Variants in ATXN3 observed in about 807,000 individuals in gnomAD.
The protein encoded by ATXN3 is ataxin 3, also known as ataxin-3.
In ATXN3, 28 loss-of-function variants were observed where a neutral mutation model predicts 58.2. The observed-to-expected ratio is 0.48, with a 90% CI of 0.36 to 0.66. The LOEUF (loss-of-function observed/expected upper bound fraction) is 0.66, where lower values mean the gene tolerates loss of function less well. ATXN3 is among the 30% of genes least tolerant of loss of function. ATXN3 has a pLI of 0.00. For synonymous variants in ATXN3, 113 were observed against 138.5 expected, an observed-to-expected ratio of 0.82 and a Z score of 1.29; for missense variants, 321 against 422.1, an observed-to-expected ratio of 0.76 and a Z score of 2.10.
chr14:92,092,837 T>C (rs1457099279), intron 5 of ATXN3, among the ~76,000 whole-genome samples: 1 of 148,474 alleles, frequency 6.7e-6, no homozygotes, highest in East Asian at 2.0e-4. Context: ...GCAATCCTTT[T>C]TTTTTTTTAA....
chr14:92,102,525 T>C (rs941756287), intron 1 of ATXN3, among the ~76,000 whole-genome samples: 19 of 152,168 alleles, frequency 1.2e-4, no homozygotes, highest in African/African-American at 4.3e-4. Flanking sequence ...AAATCAGGTA[T>C]AAACCTAAGG....
At chr14:92,046,436 T>C (rs2057428216) in intron 2 of ATXN3, 1 of 152,144 alleles carries the variant, frequency 6.6e-6, no homozygotes, top group African/African-American at 2.4e-5. Context: ...TCAGGAATAA[T>C]GTGGGGGCTA....
chr14:92,083,066 A>G, intron 7 of ATXN3, 60 bp downstream of exon 7: 4 of 1,540,814 alleles, frequency 2.6e-6, no homozygotes, highest in South Asian at 2.5e-5. Flanking sequence ...CTAAGCATGA[A>G]AATTTAATTC....
chr14:92,054,445 C>A (rs989060440), downstream of ATXN3, among the ~76,000 whole-genome samples: 21 of 152,208 alleles, frequency 1.4e-4, no homozygotes, highest in African/African-American at 5.1e-4. Context: ...ACCTCTGGTC[C>A]TCCTTGGTGC....
chr14:92,105,504 G>T (rs1173597264), intron 1 of ATXN3, among the ~76,000 whole-genome samples: 1 of 152,126 alleles, frequency 6.6e-6, no homozygotes. Flanking sequence ...GTGTGTGTGT[G>T]AATTTTAAAT....
intron 2 of ATXN3, among the ~76,000 whole-genome samples, chr14:92,047,168 G>A (rs1032322504): frequency 1.3e-5 from 2 of 152,210 alleles, no homozygotes; most frequent in Admixed American, 6.5e-5. Context: ...GATGAGTGGT[G>A]TAGGGAATAG....
At chr14:92,078,859 G>A (rs76083403) in intron 9 of ATXN3, among the ~76,000 whole-genome samples, 1,786 of 152,178 alleles carry the variant, frequency 0.012, 41 homozygotes, top group African/African-American at 0.041. Flanking sequence ...TTGCAGGTGG[G>A]ACAGTGGAAA....
At chr14:92,087,672 C>T (rs1003913211) in intron 6 of ATXN3, among the ~76,000 whole-genome samples, 5 of 151,600 alleles carry the variant, frequency 3.3e-5, no homozygotes, top group Admixed American at 6.6e-5. Context: ...ATTATGATGA[C>T]GGATTACAGA....
chr14:92,074,918 A>T (rs1204955692), intron 9 of ATXN3, among the ~76,000 whole-genome samples: 1 of 152,222 alleles, frequency 6.6e-6, no homozygotes, highest in East Asian at 1.9e-4. Context: ...AGAAGACATT[A>T]ATAACTGCCA....
chr14:92,100,455 A>T (rs977130860), intron 1 of ATXN3, among the ~76,000 whole-genome samples: 1 of 152,128 alleles, frequency 6.6e-6, no homozygotes, highest in Non-Finnish European at 1.5e-5. Flanking sequence ...GATAGCTGGG[A>T]TCACAGTAGA....
At position 92,068,591 on chromosome 14, in the gene ATXN3, G is replaced by A. The variant is rs146668789; in HGVS notation, c.991+2344C>T. On this transcript the variant is annotated intron_variant, in intron 10 of 10. Transcript: ENST00000644486. ...TCTGCCTTTGAGATTCAGCTGAATGGTTTTTTTTTTCTTTTTGAGACAGAG... is the reference window on the plus strand; with the variant it reads ...TCTGCCTTTGAGATTCAGCTGAATGATTTTTTTTTTCTTTTTGAGACAGAG... Among the ~76,000 whole-genome samples the A allele has an allele frequency of 7.8e-3, 1,168 of 149,926 alleles. 4 individuals are homozygous for A. Among genetic ancestry groups the A allele is most frequent in the Middle Eastern group, 0.021 (6 of 288 alleles).
In ATXN3 at chr14:92,064,056, T is replaced by C. The variant is rs2057972721; in HGVS notation, c.*264A>G. ...GCCCTAACTTTAGACATGTTACATA[T>C]TGCACACTCAAAAAAGAAAAAGAAA... is the stretch of plus-strand genomic sequence containing the variant. On this transcript the variant is annotated 3_prime_UTR_variant, in exon 11 of 11. Transcript: ENST00000644486. The C allele has an allele frequency of 8.4e-6, 2 of 239,058 alleles. No homozygotes were observed. Among genetic ancestry groups the C allele is most frequent in the African/African-American group, 2.3e-5 (1 of 44,054 alleles). The allele number at this position is 239,058 out of a possible 1,614,324, so 14.8% of individuals were successfully genotyped here. A position where few individuals can be genotyped will look rare whatever the true frequency, so the allele number is the denominator to read the frequency against.
At chr14:92,100,982 T>C (rs1269707015) in intron 1 of ATXN3, among the ~76,000 whole-genome samples, 1 of 152,166 alleles carries the variant, frequency 6.6e-6, no homozygotes, top group African/African-American at 2.4e-5. Context: ...CTTAATACCA[T>C]ATATAGCAAT....
In ATXN3 at chr14:92,094,055, T is replaced by C. The variant is rs191900676; in HGVS notation, c.235-224A>G. On this transcript the variant is annotated intron_variant, in intron 3 of 10. Transcript: ENST00000644486. ...GCCTCCCAGGTTCAAGCGATTCTCC[T>C]CCTGAGGCTCCCGAGTAGCTGGGAT... 6.6e-5 allele frequency among the ~76,000 whole-genome samples: 10 copies of C among 151,432 alleles called. No individual in the cohort carries two copies. The East Asian group carries it at 2.0e-3, about 30-fold the overall frequency.
intron 6 of ATXN3, among the ~76,000 whole-genome samples, chr14:92,087,836 T>C (rs770633953): frequency 8.5e-5 from 13 of 152,160 alleles, no homozygotes; most frequent in Non-Finnish European, 1.9e-4. Flanking sequence ...AATTGAGATT[T>C]GACAGTGGTT....
Position 92,093,773 on chromosome 14 carries a change from T to C in ATXN3, c.293A>G (p.Glu98Gly). The C allele has an allele frequency of 6.2e-7, 1 of 1,612,254 alleles. No individual in the cohort carries two copies. The highest frequency in any genetic ancestry group is 1.1e-5 in the South Asian group (1 of 91,016). Residue 98 changes from glutamate (E) to glycine (G), a missense_variant, in exon 4 of 11, where the codon GAG (glutamate) becomes GGG (glycine). Coordinates refer to ENST00000644486, the MANE Select transcript of ATXN3 (RefSeq NM_004993.6). The part of the protein sequence containing the change: ...GLELILFNSP[E>G]YQRLRIDPIN... Reference sequence around the variant, plus strand: ...AGGATCGATCCTGAGCCTCTGATACTCTGGACTGTTGAACAGGATTAGTTC... The same window carrying C: ...AGGATCGATCCTGAGCCTCTGATACCCTGGACTGTTGAACAGGATTAGTTC...
At chr14:92,102,821 A>G (rs916280885) in intron 1 of ATXN3, among the ~76,000 whole-genome samples, 4 of 152,208 alleles carry the variant, frequency 2.6e-5, no homozygotes, top group Non-Finnish European at 5.9e-5. Flanking sequence ...GGCAGAGCTG[A>G]GACTCAAACC....
chr14:92,088,620 T>G, intron 6 of ATXN3, 110 bp downstream of exon 6: 1 of 788,820 alleles, frequency 1.3e-6, no homozygotes, highest in Non-Finnish European at 2.1e-6. Context: ...AACTAAAGAT[T>G]GTTTCACTGC....
intron 6 of ATXN3, among the ~76,000 whole-genome samples, chr14:92,086,679 G>A (rs1455497729): frequency 1.3e-5 from 2 of 152,016 alleles, no homozygotes; most frequent in Non-Finnish European, 2.9e-5. Flanking sequence ...TTCAAGAAAA[G>A]GAGAAGGCAC....
Sources: gnomAD v4.1 joint callset for allele counts (sites outside exome capture counted in the v4.1 genomes callset) on GRCh38, gnomAD v4.1.1 for gene constraint, MANE v1.5 for transcripts, NCBI Gene and HGNC (gene_info 2026-07-23, HGNC 2026-07-21) for gene names.